KCNQ2: variants seen among roughly 807,000 people sequenced by gnomAD.
KCNQ2 encodes potassium voltage-gated channel subfamily Q member 2, also known as potassium voltage-gated channel subfamily KQT member 2.
Under a neutral mutation model 84.8 loss-of-function variants are expected in KCNQ2, and 14 were observed. That is an observed-to-expected ratio of 0.17 (90% CI 0.11 to 0.26). The LOEUF (loss-of-function observed/expected upper bound fraction) is 0.26, where lower values mean the gene tolerates loss of function less well. Among genes scored for constraint, KCNQ2 ranks in the 10% least tolerant of loss-of-function variants. KCNQ2 has a pLI of 1.00. For missense variants in KCNQ2, 788 were observed against 1,254.0 expected, an observed-to-expected ratio of 0.63 and a Z score of 5.61; for synonymous variants, 599 against 554.1, an observed-to-expected ratio of 1.08 and a Z score of -1.14.
Position 63,408,158 on chromosome 20 carries a change from C to T in KCNQ2, c.1887+255G>A. On this transcript the variant is annotated intron_variant, in intron 16 of 16. Coordinates refer to ENST00000359125, the MANE Select transcript of KCNQ2 (RefSeq NM_172107.4). This position sits in a 1 kb window ranked among gnomAD's most constrained non-coding sequence, Gnocchi z 5.0. ...CCCTGAGGGATCCACCTCTCAGCAG[C>T]CCCCACCCAGGACTCCTGGGGACTT... 1 of 519,920 alleles carries T rather than the reference C, an allele frequency of 1.9e-6. No individual in the cohort carries two copies. Among genetic ancestry groups the T allele is most frequent in the Middle Eastern group, 5.4e-4 (1 of 1,860 alleles). 32.2% of individuals were successfully genotyped at this position (519,920 alleles called of 1,614,324 possible). A position where few individuals can be genotyped will look rare whatever the true frequency, so the allele number is the denominator to read the frequency against.
intron 3 of KCNQ2, 80 bp downstream of exon 3, chr20:63,445,158 G>A (rs1568941282): frequency 2.6e-5 from 41 of 1,591,548 alleles, no homozygotes; most frequent in Non-Finnish European, 3.5e-5. Flanking sequence ...CCACGCAGAC[G>A]CCCCAGCTCC....
In KCNQ2 at chr20:63,415,045, C is replaced by A. The variant is rs1349137821; in HGVS notation, c.1383G>T (p.Gln461His). 4 of 1,608,824 alleles carry A rather than the reference C, an allele frequency of 2.5e-6. No individual in the cohort carries two copies. The highest frequency in any genetic ancestry group is 1.1e-5 in the South Asian group (1 of 91,084). The change falls in exon 13 of 17, where the codon CAG becomes CAT. Residue 461 changes from glutamine (Q) to histidine (H), a missense_variant. Transcript: ENST00000359125. ...AAKGKGSPQA[Q>H]TVRRSPSADQ... Reference sequence around the variant, plus strand: ...CGGCGCTGGGTGACCGCCTCACAGTCTGGGCCTGCGGGGACCCCTTCCCCT... The same window carrying A: ...CGGCGCTGGGTGACCGCCTCACAGTATGGGCCTGCGGGGACCCCTTCCCCT...
At chr20:63,413,383 A>G in intron 15 of KCNQ2, 67 bp downstream of exon 15, 1 of 1,595,700 alleles carries the variant, frequency 6.3e-7, no homozygotes, top group East Asian at 2.2e-5. Context: ...CATGGGCCAC[A>G]GTGGGCTTTG....
At chr20:63,427,018 T>G (rs1477564891) in intron 10 of KCNQ2, among the ~76,000 whole-genome samples, 1 of 152,124 alleles carries the variant, frequency 6.6e-6, no homozygotes, top group Non-Finnish European at 1.5e-5. Context: ...GTCAGGAGCT[T>G]CAGACCAGCC....
intron 1 of KCNQ2, among the ~76,000 whole-genome samples, chr20:63,451,299 T>C (rs1600815770): frequency 2.0e-5 from 3 of 152,270 alleles, no homozygotes; most frequent in East Asian, 1.9e-4. Context: ...GCCAGGCCTC[T>C]GGGCTGGTAT....
intron 1 of KCNQ2, among the ~76,000 whole-genome samples, chr20:63,468,672 CT>C (rs2082138964): frequency 6.6e-6 from 1 of 152,254 alleles, no homozygotes; most frequent in Non-Finnish European, 1.5e-5. Flanking sequence ...CCAGAGGCCC[CT>C]AAAACCCTGG....
intron 12 of KCNQ2, among the ~76,000 whole-genome samples, chr20:63,417,411 C>G (rs1296163693): frequency 6.6e-6 from 1 of 152,258 alleles, no homozygotes; most frequent in Non-Finnish European, 1.5e-5. Context: ...GCGTTTCCAC[C>G]CGAGGCAGGT....
chr20:63,448,763 A>T (rs532827157), intron 1 of KCNQ2, among the ~76,000 whole-genome samples: 1 of 151,990 alleles, frequency 6.6e-6, no homozygotes, highest in African/African-American at 2.4e-5. Flanking sequence ...TCCTGGGGGA[A>T]GTCCCTCCAG....
At chr20:63,462,764 C>G (rs935703099) in intron 1 of KCNQ2, among the ~76,000 whole-genome samples, 1 of 152,186 alleles carries the variant, frequency 6.6e-6, no homozygotes, top group Admixed American at 6.5e-5. Flanking sequence ...CAAGGTCCAT[C>G]ACTGCAAACC....
At chr20:63,451,904 G>T (rs1174854708) in intron 1 of KCNQ2, among the ~76,000 whole-genome samples, 1 of 152,242 alleles carries the variant, frequency 6.6e-6, no homozygotes, top group Non-Finnish European at 1.5e-5. Context: ...GGCGTCCAGG[G>T]CAGGGAAGGC....
intron 1 of KCNQ2, among the ~76,000 whole-genome samples, chr20:63,469,010 C>A (rs2082146228): frequency 6.6e-6 from 1 of 152,268 alleles, no homozygotes; most frequent in African/African-American, 2.4e-5. Flanking sequence ...CCAGCGGGAA[C>A]AGAGCGGAGC....
chr20:63,466,187 C>T (rs534106666), intron 1 of KCNQ2, among the ~76,000 whole-genome samples: 129 of 152,302 alleles, frequency 8.5e-4, no homozygotes, highest in African/African-American at 3.0e-3. Flanking sequence ...ACCTTCGTTC[C>T]AAGTGAACAG....
intron 15 of KCNQ2, among the ~76,000 whole-genome samples, chr20:63,411,200 G>A (rs376548511): frequency 7.2e-5 from 11 of 152,300 alleles, no homozygotes; most frequent in South Asian, 6.2e-4. Flanking sequence ...GCTTCTTCCC[G>A]GTGGCTTAAG....
In KCNQ2 at chr20:63,406,576, C is replaced by T. The variant is rs1333182101; in HGVS notation, c.*68G>A. The T allele has an allele frequency of 7.4e-6, 11 of 1,488,786 alleles. No individual in the cohort carries two copies. In the East Asian group the frequency reaches 2.1e-4, roughly 29 times the overall value. The allele number at this position is 1,488,786 out of a possible 1,614,324, so 92.2% of individuals were successfully genotyped here. On this transcript the variant is annotated 3_prime_UTR_variant, in exon 17 of 17. Coordinates refer to ENST00000359125, the MANE Select transcript of KCNQ2 (RefSeq NM_172107.4). ...GTAAGAAAAGGGCCCCAGAGGGTTC[C>T]CGCCTCAAAACCTCGGAGGCACCGT... is the stretch of plus-strand genomic sequence containing the variant.
chr20:63,406,355 A>C lies in KCNQ2; in HGVS notation c.*289T>G. On this transcript the variant is annotated 3_prime_UTR_variant, in exon 17 of 17. Transcript: ENST00000359125. ...TCCCGCCCCTCCTCACACCGGGCTG[A>C]TGTCGGCCGCGGCCCTGAGCAGAGT... The C allele has an allele frequency of 2.4e-6, 1 of 411,764 alleles. No individual in the cohort carries two copies. Among genetic ancestry groups the C allele is most frequent in the Non-Finnish European group, 4.4e-6 (1 of 226,076 alleles). The allele number at this position is 411,764 out of a possible 1,614,324, so 25.5% of individuals were successfully genotyped here.
intron 8 of KCNQ2, chr20:63,433,456 C>T: frequency 2.0e-6 from 1 of 494,052 alleles, no homozygotes; most frequent in Non-Finnish European, 3.6e-6. Flanking sequence ...CTCGAGCTGC[C>T]GGTCCAGAGC....
intron 10 of KCNQ2, among the ~76,000 whole-genome samples, chr20:63,427,887 G>A (rs1283101213): frequency 6.6e-6 from 1 of 152,198 alleles, no homozygotes; most frequent in East Asian, 1.9e-4. Context: ...CTGGGCCTGG[G>A]CAGGCCTGGC....
rs1429588714 is a variant in KCNQ2 at position 63,446,727 on chromosome 20, C to T, written c.387+20G>A. On this transcript the variant is annotated intron_variant, in intron 2 of 16. Transcript: ENST00000359125. The surrounding 1 kb of genome is among the most constrained non-coding windows in gnomAD (Gnocchi z 5.5). ...CTCCTTCCTGGGCACTTCCAGCCCC[C>T]GCCCTCCCTCGGGGCTCACCAGGAT... 3.7e-6 allele frequency: 6 copies of T among 1,602,810 alleles called. No individual in the cohort carries two copies. Among genetic ancestry groups the T allele is most frequent in the Middle Eastern group, 1.7e-4 (1 of 6,060 alleles).
rs149971739 is a variant in KCNQ2 at position 63,435,353 on chromosome 20, A to T, written c.1024-1450T>A. Among the ~76,000 whole-genome samples the T allele has an allele frequency of 2.3e-3, 333 of 147,100 alleles. 3 individuals are homozygous for T. The East Asian group carries it at 0.025, about 11-fold the overall frequency. ...CAGTGAGCCAAGATCACACAACTGCACTCCAGCCTGGGCAAGAGAGCAAGT... is the reference window on the plus strand; with the variant it reads ...CAGTGAGCCAAGATCACACAACTGCTCTCCAGCCTGGGCAAGAGAGCAAGT... On this transcript the variant is annotated intron_variant, in intron 7 of 16. Transcript: ENST00000359125.
Sources: allele counts gnomAD v4.1 joint callset (sites outside exome capture counted in the v4.1 genomes callset), GRCh38; gene constraint gnomAD v4.1.1; non-coding constraint Gnocchi (gnomAD v3.1); transcripts MANE v1.5; gene names NCBI Gene and HGNC (gene_info 2026-07-23, HGNC 2026-07-21).